The following SLC35E4 variants were observed in gnomAD, a reference collection of about 807,000 sequenced individuals.
The protein encoded by SLC35E4 is solute carrier family 35, member E4.
Under a neutral mutation model 19.3 loss-of-function variants are expected in SLC35E4, and 15 were observed. The observed-to-expected ratio is 0.78, with a 90% CI of 0.52 to 1.20. SLC35E4 has a LOEUF of 1.20. SLC35E4 is among the 50% of genes most tolerant of loss of function. SLC35E4 has a pLI of 0.00. For missense variants in SLC35E4, 406 were observed against 472.3 expected, an observed-to-expected ratio of 0.86 and a Z score of 1.30; for synonymous variants, 219 against 219.9, an observed-to-expected ratio of 1.00 and a Z score of 0.04.
chr22:30,645,429 T>TA (rs976261639), intron 1 of SLC35E4, among the ~76,000 whole-genome samples: 4 of 152,092 alleles, frequency 2.6e-5, no homozygotes, highest in African/African-American at 9.7e-5. Context: ...ACCCCGTCTC[T>TA]ACTAAAAATA....
At chr22:30,651,242 C>T (rs1218601582), downstream of SLC35E4, among the ~76,000 whole-genome samples, 3 of 150,368 alleles carry the variant, frequency 2.0e-5, no homozygotes, top group African/African-American at 4.9e-5. Context: ...GCTCTGTCGC[C>T]CAGGCTAGAA....
chr22:30,649,445 C>A (rs2088177778), downstream of SLC35E4, among the ~76,000 whole-genome samples: 1 of 152,162 alleles, frequency 6.6e-6, no homozygotes. Context: ...GACCACAGTG[C>A]CAGCAAGTGC....
chr22:30,643,573 G>A (rs1209554550), intron 1 of SLC35E4, among the ~76,000 whole-genome samples: 2 of 152,158 alleles, frequency 1.3e-5, no homozygotes, highest in Non-Finnish European at 2.9e-5. Context: ...TCAGCCAGCA[G>A]GAGCAGGGTG....
At chr22:30,657,932 A>G (rs963241964) in intron 2 of SLC35E4, among the ~76,000 whole-genome samples, 15 of 146,660 alleles carry the variant, frequency 1.0e-4, no homozygotes, top group African/African-American at 3.7e-4. Context: ...AATAATAATA[A>G]TAATAATAAT....
At chr22:30,665,751 T>C (rs113570451), downstream of SLC35E4, among the ~76,000 whole-genome samples, 1,835 of 152,304 alleles carry the variant, frequency 0.012, 34 homozygotes, top group African/African-American at 0.04. Flanking sequence ...AGGGATATGA[T>C]GGTGTCTGTC....
At chr22:30,655,479 C>T (rs1291991458) in intron 2 of SLC35E4, among the ~76,000 whole-genome samples, 1 of 149,440 alleles carries the variant, frequency 6.7e-6, no homozygotes, top group Non-Finnish European at 1.5e-5. Context: ...ACTAGCCTGG[C>T]ATTGCATAGC....
intron 2 of SLC35E4, among the ~76,000 whole-genome samples, chr22:30,653,056 C>A (rs2088254759): frequency 6.6e-6 from 1 of 152,198 alleles, no homozygotes; most frequent in South Asian, 2.1e-4. Flanking sequence ...GGGGTCTTGT[C>A]AGCCACACCT....
chr22:30,641,855 G>A lies in SLC35E4; in HGVS notation c.620-4743G>A, dbSNP rs138708734. 2.5e-3 allele frequency among the ~76,000 whole-genome samples: 368 copies of A among 150,186 alleles called. 3 individuals are homozygous for A. Among genetic ancestry groups the A allele is most frequent in the African/African-American group, 8.7e-3 (357 of 40,932 alleles). On this transcript the variant is annotated intron_variant, in intron 1 of 1. Transcript: ENST00000343605. ...AATTACAGGTGTGAGCCAACATGCC[G>A]ACAGATTTACTGATGGCTCTGACAG...
At position 30,647,331 on chromosome 22, in the gene SLC35E4, G is replaced by A. The variant is rs1197633024; in HGVS notation, c.*300G>A. ...GAGGATCACTTGAGCCCTGGAGATC[G>A]AGGCTGCAGTAAGCCAAGATCGCAT... On this transcript the variant is annotated 3_prime_UTR_variant, in exon 2 of 2. Coordinates refer to ENST00000343605, the MANE Select transcript of SLC35E4 (RefSeq NM_001001479.4). The A allele has an allele frequency of 6.2e-5, 22 of 354,470 alleles. No individual in the cohort carries two copies. Among genetic ancestry groups the A allele is most frequent in the South Asian group, 2.2e-4 (5 of 23,110 alleles). The allele number at this position is 354,470 out of a possible 1,614,324, so 22.0% of individuals were successfully genotyped here.
chr22:30,643,833 C>T (rs905246968), intron 1 of SLC35E4, among the ~76,000 whole-genome samples: 7 of 152,162 alleles, frequency 4.6e-5, no homozygotes, highest in Admixed American at 4.6e-4. Context: ...GAAACTTGGG[C>T]ATGTTCCAAT....
intron 1 of SLC35E4, among the ~76,000 whole-genome samples, chr22:30,643,873 A>G (rs1412366760): frequency 6.6e-6 from 1 of 152,202 alleles, no homozygotes; most frequent in African/African-American, 2.4e-5. Flanking sequence ...AGGCAGGACA[A>G]ACAGGCTGAC....
downstream of SLC35E4, chr22:30,663,836 T>A: frequency 6.2e-7 from 1 of 1,614,226 alleles, no homozygotes. Flanking sequence ...AGGTGTTCAC[T>A]ACCTCCACTG....
intron 1 of SLC35E4, among the ~76,000 whole-genome samples, chr22:30,639,380 T>A (rs1001270196): frequency 7.0e-4 from 107 of 152,160 alleles, no homozygotes; most frequent in Middle Eastern, 3.4e-3. Context: ...AGGACCGGGG[T>A]GAAATTAAAA....
At chr22:30,663,675 C>T (rs202138261), downstream of SLC35E4, 230 of 1,614,094 alleles carry the variant, frequency 1.4e-4, no homozygotes, top group Non-Finnish European at 1.9e-4. Context: ...GGCAGCTGAG[C>T]GGCTCACACC....
intron 2 of SLC35E4, among the ~76,000 whole-genome samples, chr22:30,652,913 AG>A (rs2088251099): frequency 6.6e-6 from 1 of 152,374 alleles, no homozygotes; most frequent in South Asian, 2.1e-4. Flanking sequence ...ATTACCAGGA[AG>A]ATGGGATTAC....
rs955330176 is a variant in SLC35E4 at position 30,647,217 on chromosome 22, G to A, written c.*186G>A. On this transcript the variant is annotated 3_prime_UTR_variant, in exon 2 of 2. Transcript: ENST00000343605. ...GTTCGAGACCAGCCTGGCTAACATG[G>A]CAAAACCTCATCTCTACTAAAAATA... 1 of 688,670 alleles carries A rather than the reference G, an allele frequency of 1.5e-6. No individual in the cohort carries two copies. The highest frequency in any genetic ancestry group is 2.4e-6 in the Non-Finnish European group (1 of 425,030). The allele number at this position is 688,670 out of a possible 1,614,324, so 42.7% of individuals were successfully genotyped here. A position where few individuals can be genotyped will look rare whatever the true frequency, so the allele number is the denominator to read the frequency against.
chr22:30,655,444 A>G (rs1261301502), intron 2 of SLC35E4, among the ~76,000 whole-genome samples: 6 of 151,180 alleles, frequency 4.0e-5, no homozygotes, highest in African/African-American at 7.3e-5. Context: ...AAAAAAAAAA[A>G]AAAAGAAAAA....
Position 30,646,728 on chromosome 22 carries a change from C to A in SLC35E4, c.750C>A (p.Gly250=). ...EAGVAPPPTA[G]DSRLWACILL... is the part of the protein sequence containing the mutation. ...GCGTTGCCCCACCGCCCACTGCTGG[C>A]GACTCTCGCCTCTGGGCCTGCATCC... Residue 250 remains glycine (G), a synonymous_variant, in exon 2 of 2, where the codon GGC becomes GGA. Coordinates refer to ENST00000343605, the MANE Select transcript of SLC35E4 (RefSeq NM_001001479.4). 1 of 1,613,010 alleles carries A rather than the reference C, an allele frequency of 6.2e-7. No homozygotes were observed. Among genetic ancestry groups the A allele is most frequent in the African/African-American group, 1.3e-5 (1 of 75,050 alleles).
At chr22:30,654,709 C>T (rs2088298866) in intron 2 of SLC35E4, 1 of 375,330 alleles carries the variant, frequency 2.7e-6, no homozygotes, top group South Asian at 2.2e-5. Context: ...ACTGATGCCC[C>T]CGCAGTGTAC....
Sources: allele counts gnomAD v4.1 joint callset (sites outside exome capture counted in the v4.1 genomes callset), GRCh38; gene constraint gnomAD v4.1.1; transcripts MANE v1.5; gene names NCBI Gene and HGNC (gene_info 2026-07-23, HGNC 2026-07-21).